The following TBL1X variants were observed in gnomAD, a reference collection of about 807,000 sequenced individuals.
The protein encoded by TBL1X is F-box-like/WD repeat-containing protein TBL1X.
In TBL1X, 10 loss-of-function variants were observed where a neutral mutation model predicts 50.7. That is an observed-to-expected ratio of 0.20 (90% CI 0.12 to 0.33). The LOEUF is 0.33. Among genes scored for constraint, TBL1X ranks in the 10% least tolerant of loss-of-function variants. The probability of loss-of-function intolerance (pLI) is 1.00; values close to 1 mark genes in which losing one functional copy is unlikely to be tolerated. For synonymous variants in TBL1X, 190 were observed against 214.7 expected, an observed-to-expected ratio of 0.88 and a Z score of 1.01; for missense variants, 340 against 504.4, an observed-to-expected ratio of 0.67 and a Z score of 3.12.
Position 9,529,124 on chromosome X carries a change from G to T in TBL1X, c.-131+27275G>T, listed in dbSNP as rs547350825. Among the ~76,000 whole-genome samples the T allele has an allele frequency of 1.3e-4, 14 of 111,915 alleles. No individual in the cohort carries two copies. The South Asian group carries it at 3.0e-3, about 24-fold the overall frequency. On this transcript the variant is annotated intron_variant, in intron 2 of 17. Transcript: ENST00000645353. ...TTAAATCACAAAGGAAGTGCCTATG[G>T]TAACGTTTTGATCAGGCTCTAGGTC...
intron 1 of TBL1X, among the ~76,000 whole-genome samples, chrX:9,479,925 G>A (rs2081870499): frequency 2.0e-5 from 1 of 50,453 alleles, no homozygotes; most frequent in Admixed American, 1.9e-4. Flanking sequence ...GCAAGGCGTA[G>A]AAGGAAAGTA....
At chrX:9,704,241 C>T (rs1299976546) in intron 12 of TBL1X, among the ~76,000 whole-genome samples, 1 of 112,131 alleles carries the variant, frequency 8.9e-6, no homozygotes, top group Non-Finnish European at 1.9e-5. Context: ...CAAGGGGATG[C>T]CTTAATGTGT....
Position 9,649,950 on chromosome X carries a change from T to G in TBL1X, c.-42-3595T>G, listed in dbSNP as rs538019930. Reference sequence around the variant, plus strand: ...ACCACAGGCATGTGCTACCATACTTTGCTAATTTTTAAAATTTTTTTGTAG... The same window carrying G: ...ACCACAGGCATGTGCTACCATACTTGGCTAATTTTTAAAATTTTTTTGTAG... On this transcript the variant is annotated intron_variant, in intron 3 of 17. Coordinates refer to ENST00000645353, the MANE Select transcript of TBL1X (RefSeq NM_005647.4). Among the ~76,000 whole-genome samples, 3 of 111,642 alleles carry G rather than the reference T, an allele frequency of 2.7e-5. No homozygotes were observed. The South Asian group carries it at 1.1e-3, about 42-fold the overall frequency.
At chrX:9,522,087 T>G (rs11796140) in intron 2 of TBL1X, among the ~76,000 whole-genome samples, 18,146 of 103,066 alleles carry the variant, frequency 0.18, 1,993 homozygotes, top group African/African-American at 0.37. Context: ...TCGCGATCAC[T>G]GCTCACTGCA....
chrX:9,681,060 G>A (rs1037247167), intron 5 of TBL1X, among the ~76,000 whole-genome samples: 3 of 112,337 alleles, frequency 2.7e-5, no homozygotes, highest in African/African-American at 9.7e-5. Flanking sequence ...GCATAATCAT[G>A]TAGAGAGATA....
At chrX:9,689,966 A>G (rs749080064) in intron 7 of TBL1X, among the ~76,000 whole-genome samples, 1 of 112,344 alleles carries the variant, frequency 8.9e-6, no homozygotes, top group African/African-American at 3.2e-5. Flanking sequence ...CAGCACTCCT[A>G]CTCAGTGACA....
At chrX:9,678,990 C>T (rs747657166) in intron 5 of TBL1X, among the ~76,000 whole-genome samples, 93 of 110,797 alleles carry the variant, frequency 8.4e-4, no homozygotes, top group African/African-American at 2.8e-3. Context: ...TATAAAATGT[C>T]ATCCTTTGTG....
chrX:9,623,211 A>T (rs1389025814), intron 2 of TBL1X, among the ~76,000 whole-genome samples: 3 of 112,216 alleles, frequency 2.7e-5, no homozygotes, highest in Admixed American at 9.4e-5. Context: ...GATATTTTTA[A>T]TATTTTCAGA....
At chrX:9,649,458 A>G (rs144667683) in intron 3 of TBL1X, among the ~76,000 whole-genome samples, 13 of 112,176 alleles carry the variant, frequency 1.2e-4, no homozygotes, top group Non-Finnish European at 1.9e-4. Context: ...AAAGTTAACA[A>G]TGTATTGGGG....
At chrX:9,530,516 C>T (rs2082154678) in intron 2 of TBL1X, among the ~76,000 whole-genome samples, 1 of 111,759 alleles carries the variant, frequency 8.9e-6, no homozygotes, top group Non-Finnish European at 1.9e-5. Context: ...ATGAACAGAC[C>T]ACATCACACA....
chrX:9,679,145 G>A (rs1346839163), intron 5 of TBL1X, among the ~76,000 whole-genome samples: 1 of 108,575 alleles, frequency 9.2e-6, no homozygotes, highest in Non-Finnish European at 1.9e-5. Flanking sequence ...CTTTTCAATA[G>A]CAACAACCAA....
At chrX:9,654,588 A>G (rs187715174) in intron 5 of TBL1X, among the ~76,000 whole-genome samples, 332 of 111,390 alleles carry the variant, frequency 3.0e-3, no homozygotes, top group African/African-American at 0.011. Flanking sequence ...GAAAGGACGG[A>G]AGCAGTGCGG....
rs778056185 is a variant in TBL1X, at chrX:9,556,653, A to C, written c.-131+54804A>C. On this transcript the variant is annotated intron_variant, in intron 2 of 17. Transcript: ENST00000645353. ...AGAACAAAATCTTGTCTCTATAAAA[A>C]GAAACTGGAAAAAAAAAAAAGTAGT... Among the ~76,000 whole-genome samples, 7 of 110,155 alleles carry C rather than the reference A, an allele frequency of 6.4e-5. No individual in the cohort carries two copies. In the East Asian group the frequency reaches 2.0e-3, roughly 31 times the overall value.
At chrX:9,549,966 C>T (rs1281438126) in intron 2 of TBL1X, among the ~76,000 whole-genome samples, 2 of 111,640 alleles carry the variant, frequency 1.8e-5, no homozygotes, top group Admixed American at 1.9e-4. Context: ...AGGATGCTTT[C>T]GTGACACCCA....
chrX:9,571,505 G>A (rs1369269677), intron 2 of TBL1X, among the ~76,000 whole-genome samples: 4 of 111,266 alleles, frequency 3.6e-5, no homozygotes, highest in Non-Finnish European at 3.8e-5. Flanking sequence ...AGAATTCCCC[G>A]AGAAAAGACG....
At chrX:9,468,564 G>A (rs981938605) in intron 1 of TBL1X, among the ~76,000 whole-genome samples, 1 of 111,240 alleles carries the variant, frequency 9.0e-6, no homozygotes, top group African/African-American at 3.3e-5. Context: ...GGTGCCCCAA[G>A]CCCTGCCTGG....
chrX:9,563,540 T>G (rs1230842318), intron 2 of TBL1X, among the ~76,000 whole-genome samples: 1 of 112,845 alleles, frequency 8.9e-6, no homozygotes, highest in South Asian at 3.6e-4. Flanking sequence ...GATTTTCGTA[T>G]TTTAAAAAAT....
chrX:9,641,419 T>G (rs1371960160), intron 3 of TBL1X, among the ~76,000 whole-genome samples: 1 of 112,301 alleles, frequency 8.9e-6, no homozygotes, highest in Non-Finnish European at 1.9e-5. Context: ...TTTCTTTCTC[T>G]AATGCCTTTT....
rs186000299 is a variant in TBL1X, at chrX:9,710,389, C to G, written c.1439+629C>G. On this transcript the variant is annotated intron_variant, in intron 15 of 17. Transcript: ENST00000645353. ...TTCCTGCATCCACTGAGAGACGGAA[C>G]CAAAAAAACAAAGAACACATAGGCC... 6.3e-5 allele frequency among the ~76,000 whole-genome samples: 7 copies of G among 110,474 alleles called. No individual in the cohort carries two copies. The East Asian group carries it at 2.0e-3, about 31-fold the overall frequency.
Sources: allele counts gnomAD v4.1 joint callset (sites outside exome capture counted in the v4.1 genomes callset), GRCh38; gene constraint gnomAD v4.1.1; transcripts MANE v1.5; gene names NCBI Gene and HGNC (gene_info 2026-07-23, HGNC 2026-07-21).